Variants in CDH13 observed in about 807,000 individuals in gnomAD.
The protein encoded by CDH13 is cadherin-13.
A neutral mutation model predicts 63.8 loss-of-function variants in CDH13; 24 were observed. That is an observed-to-expected ratio of 0.38 (90% CI 0.27 to 0.53). The LOEUF (loss-of-function observed/expected upper bound fraction) is 0.53. CDH13 is among the 20% of genes least tolerant of loss of function. CDH13 has a pLI of 0.85. For synonymous variants in CDH13, 503 were observed against 355.3 expected, an observed-to-expected ratio of 1.42 and a Z score of -4.67; for missense variants, 1,049 against 903.1, an observed-to-expected ratio of 1.16 and a Z score of -2.07.
At chr16:83,352,500 C>CA (rs1386231645) in intron 6 of CDH13, among the ~76,000 whole-genome samples, 4 of 152,048 alleles carry the variant, frequency 2.6e-5, no homozygotes, top group South Asian at 2.1e-4. Flanking sequence ...GCCACTGTAT[C>CA]AAAAAAACAC....
intron 1 of CDH13, among the ~76,000 whole-genome samples, chr16:82,736,919 C>G (rs2033702937): frequency 6.6e-6 from 1 of 152,186 alleles, no homozygotes; most frequent in Non-Finnish European, 1.5e-5. Context: ...CCACCTTTCA[C>G]TTCTCAGATG....
intron 6 of CDH13, among the ~76,000 whole-genome samples, chr16:83,476,574 G>A (rs758334886): frequency 5.9e-5 from 9 of 152,206 alleles, no homozygotes; most frequent in Non-Finnish European, 1.0e-4. Flanking sequence ...TTGGAAGGCT[G>A]AGGCATGAGA....
At chr16:82,650,295 G>C (rs1237277589) in intron 1 of CDH13, among the ~76,000 whole-genome samples, 1 of 152,206 alleles carries the variant, frequency 6.6e-6, no homozygotes, top group African/African-American at 2.4e-5. Context: ...AGCAGAGTTA[G>C]AAGGAGTTTA....
chr16:83,273,907 C>G (rs1444559323), intron 5 of CDH13, among the ~76,000 whole-genome samples: 2 of 152,282 alleles, frequency 1.3e-5, no homozygotes, highest in East Asian at 3.9e-4. Flanking sequence ...TTTCTAGCCT[C>G]ACATGCAGGA....
At chr16:83,559,921 A>C (rs1598289125) in intron 7 of CDH13, among the ~76,000 whole-genome samples, 2 of 152,182 alleles carry the variant, frequency 1.3e-5, no homozygotes, top group East Asian at 3.8e-4. Context: ...AAAAGATTAA[A>C]TCAGATCAAA....
chr16:83,562,127 C>G (rs1033999402), intron 7 of CDH13, among the ~76,000 whole-genome samples: 1 of 152,148 alleles, frequency 6.6e-6, no homozygotes, highest in East Asian at 1.9e-4. Flanking sequence ...GCATGGGGCT[C>G]CAGCCTTGTA....
intron 10 of CDH13, among the ~76,000 whole-genome samples, chr16:83,707,914 C>T (rs919082942): frequency 1.4e-5 from 2 of 146,842 alleles, no homozygotes; most frequent in Non-Finnish European, 3.0e-5. Context: ...TTTCCTTCTA[C>T]CCTAATGACA....
At chr16:83,134,722 C>G (rs1263772010) in intron 4 of CDH13, among the ~76,000 whole-genome samples, 1 of 144,642 alleles carries the variant, frequency 6.9e-6, no homozygotes, top group Non-Finnish European at 1.5e-5. Flanking sequence ...CTTATTTTTG[C>G]TAAGTCTAAT....
At chr16:83,112,798 C>T (rs2035121615) in intron 3 of CDH13, among the ~76,000 whole-genome samples, 1 of 152,094 alleles carries the variant, frequency 6.6e-6, no homozygotes, top group Non-Finnish European at 1.5e-5. Flanking sequence ...ATCTATTTAC[C>T]AGACCTTCGT....
At chr16:82,702,260 A>C (rs988056658) in intron 1 of CDH13, among the ~76,000 whole-genome samples, 17 of 152,148 alleles carry the variant, frequency 1.1e-4, no homozygotes, top group African/African-American at 4.1e-4. Context: ...AAGCCTCCTT[A>C]AACTTGCCCC....
At chr16:83,526,139 G>T (rs190250896) in intron 7 of CDH13, among the ~76,000 whole-genome samples, 1 of 152,232 alleles carries the variant, frequency 6.6e-6, no homozygotes, top group Non-Finnish European at 1.5e-5. Flanking sequence ...AAAAACACCA[G>T]GAAATGCTGC....
At chr16:83,106,341 G>A (rs1002193235) in intron 3 of CDH13, among the ~76,000 whole-genome samples, 4 of 152,072 alleles carry the variant, frequency 2.6e-5, no homozygotes, top group African/African-American at 9.7e-5. Flanking sequence ...AGTTCGAGAC[G>A]AGCCTGGCCA....
chr16:83,017,079 G>A (rs1460248578), intron 2 of CDH13, among the ~76,000 whole-genome samples: 1 of 152,176 alleles, frequency 6.6e-6, no homozygotes, highest in Non-Finnish European at 1.5e-5. Context: ...TCAAACTTAT[G>A]TTTCCCCAGT....
At chr16:83,158,269 A>G (rs972990307) in intron 4 of CDH13, among the ~76,000 whole-genome samples, 6 of 152,208 alleles carry the variant, frequency 3.9e-5, no homozygotes, top group African/African-American at 1.4e-4. Context: ...TTCTCCTTCA[A>G]CAAGATTGTT....
chr16:82,711,738 C>A (rs868468130), intron 1 of CDH13, among the ~76,000 whole-genome samples: 7 of 152,310 alleles, frequency 4.6e-5, no homozygotes, highest in Middle Eastern at 3.4e-3. Flanking sequence ...AACACTGGAA[C>A]ACATTCTAAA....
chr16:82,850,338 TG>T (rs2039432023), intron 1 of CDH13, among the ~76,000 whole-genome samples: 1 of 152,184 alleles, frequency 6.6e-6, no homozygotes, highest in Non-Finnish European at 1.5e-5. Flanking sequence ...AGTGCAGAAG[TG>T]GTCGAAATAG....
intron 3 of CDH13, among the ~76,000 whole-genome samples, chr16:83,100,070 A>G (rs2034400836): frequency 6.6e-6 from 1 of 152,188 alleles, no homozygotes; most frequent in African/African-American, 2.4e-5. Flanking sequence ...ACATAGGCTC[A>G]TTTAGACTTT....
chr16:83,076,980 C>T (rs971719526), intron 3 of CDH13, among the ~76,000 whole-genome samples: 1 of 151,944 alleles, frequency 6.6e-6, no homozygotes, highest in African/African-American at 2.4e-5. Context: ...AAGATAGAAA[C>T]CATCATTATG....
At chr16:83,093,139 C>G (rs1480263882) in intron 3 of CDH13, among the ~76,000 whole-genome samples, 2 of 152,122 alleles carry the variant, frequency 1.3e-5, no homozygotes, top group Non-Finnish European at 2.9e-5. Context: ...TTGCCTATGT[C>G]TGCTAAAGCG....
Sources: allele counts gnomAD v4.1 joint callset (sites outside exome capture counted in the v4.1 genomes callset), GRCh38; gene constraint gnomAD v4.1.1; transcripts MANE v1.5; gene names NCBI Gene and HGNC (gene_info 2026-07-23, HGNC 2026-07-21).